The following GLI3 variants were observed in gnomAD, a reference collection of about 807,000 sequenced individuals.
GLI3 encodes the protein GLI family zinc finger 3.
In GLI3, 20 loss-of-function variants were observed where a neutral mutation model predicts 100.8. That is an observed-to-expected ratio of 0.20 (90% CI 0.14 to 0.29). The LOEUF is 0.29. Ranked by LOEUF, GLI3 falls within the 10% of genes least tolerant of loss-of-function variation. The pLI is 1.00. For missense variants in GLI3, 2,040 were observed against 2,128.5 expected (o/e 0.96, Z 0.82); for synonymous variants, 938 against 860.5 (o/e 1.09, Z -1.58).
Position 41,971,027 on chromosome 7 carries a change from C to T in GLI3, c.2103+1310G>A, listed in dbSNP as rs1295155225. Among the ~76,000 whole-genome samples the T allele has an allele frequency of 2.0e-5, 3 of 152,126 alleles. No individual in the cohort carries two copies. The East Asian group carries it at 5.8e-4, about 29-fold the overall frequency. On this transcript the variant is annotated intron_variant, in intron 13 of 14. Coordinates refer to ENST00000395925, the MANE Select transcript of GLI3 (RefSeq NM_000168.6). ...AAAGTACAGCTACCCACTGATAAAT[C>T]ATGATAAATCTGCATAGCTGATTTG...
chr7:42,099,162 C>T (rs1348632173), intron 3 of GLI3, among the ~76,000 whole-genome samples: 3 of 152,156 alleles, frequency 2.0e-5, no homozygotes, highest in Non-Finnish European at 2.9e-5. Context: ...CCTGGACATG[C>T]CATTTTCAGA....
chr7:42,192,914 G>C (rs1787856587), intron 2 of GLI3, among the ~76,000 whole-genome samples: 1 of 152,182 alleles, frequency 6.6e-6, no homozygotes, highest in Non-Finnish European at 1.5e-5. Flanking sequence ...AGAACCAGCA[G>C]GACCTGAGGC....
intron 2 of GLI3, among the ~76,000 whole-genome samples, chr7:42,163,405 T>G (rs1337555135): frequency 6.6e-6 from 1 of 151,918 alleles, no homozygotes; most frequent in East Asian, 1.9e-4. Flanking sequence ...GCTGCCTCTA[T>G]CTAATGAACC....
intron 10 of GLI3, among the ~76,000 whole-genome samples, chr7:41,994,300 C>T (rs992659622): frequency 2.0e-5 from 3 of 152,008 alleles, no homozygotes; most frequent in Non-Finnish European, 2.9e-5. Flanking sequence ...ATGCTGTCAA[C>T]GAATAGAAAA....
At chr7:42,016,178 G>A (rs754466006) in intron 10 of GLI3, among the ~76,000 whole-genome samples, 6 of 152,150 alleles carry the variant, frequency 3.9e-5, no homozygotes, top group Non-Finnish European at 8.8e-5. Context: ...TTGGTTTGGT[G>A]TAACCACCGA....
At chr7:42,056,315 A>T (rs572902451) in intron 4 of GLI3, among the ~76,000 whole-genome samples, 13 of 152,310 alleles carry the variant, frequency 8.5e-5, no homozygotes, top group African/African-American at 3.1e-4. Context: ...AAGAGCCTAC[A>T]GTCAAATGAG....
intron 2 of GLI3, among the ~76,000 whole-genome samples, chr7:42,180,832 T>G (rs896520664): frequency 2.0e-5 from 3 of 152,246 alleles, no homozygotes; most frequent in African/African-American, 7.2e-5. Flanking sequence ...TATTGTCTAC[T>G]AAATTATATA....
chr7:42,021,192 T>C (rs999956615), intron 10 of GLI3, among the ~76,000 whole-genome samples: 18 of 152,370 alleles, frequency 1.2e-4, no homozygotes, highest in African/African-American at 2.6e-4. Context: ...TTTATGTTGT[T>C]GTAAATTATA....
chr7:42,202,997 A>G (rs1205058308), intron 2 of GLI3, among the ~76,000 whole-genome samples: 6 of 152,230 alleles, frequency 3.9e-5, no homozygotes, highest in African/African-American at 1.4e-4. Flanking sequence ...GGAGCTGACC[A>G]TGGGAGGCAT....
chr7:42,260,365 G>A (rs149702178), intron 1 of GLI3, among the ~76,000 whole-genome samples: 52 of 152,216 alleles, frequency 3.4e-4, no homozygotes, highest in Admixed American at 7.9e-4. Flanking sequence ...ATTATTTTAC[G>A]CATTCAACTG....
chr7:42,122,851 T>G (rs1199480257), intron 3 of GLI3, among the ~76,000 whole-genome samples: 3 of 152,238 alleles, frequency 2.0e-5, no homozygotes, highest in Admixed American at 1.3e-4. Flanking sequence ...TCCTAGAGCC[T>G]GAACAGGGTG....
chr7:41,972,219 C>T lies in GLI3; in HGVS notation c.2103+118G>A, dbSNP rs1787381663. The T allele has an allele frequency of 1.0e-6, 1 of 952,658 alleles. No individual in the cohort carries two copies. Among genetic ancestry groups the T allele is most frequent in the Non-Finnish European group, 1.7e-6 (1 of 581,640 alleles). The allele number at this position is 952,658 out of a possible 1,614,324, so 59.0% of individuals were successfully genotyped here. A position where few individuals can be genotyped will look rare whatever the true frequency, so the allele number is the denominator to read the frequency against. On this transcript the variant is annotated intron_variant, in intron 13 of 14. Coordinates refer to ENST00000395925, the MANE Select transcript of GLI3 (RefSeq NM_000168.6). The surrounding 1 kb of genome is among the most constrained non-coding windows in gnomAD (Gnocchi z 4.4). ...ATACGGGTCACTGCCCTCATCGCCTCCTCAGATCAGAGACAGCCTGACACA... is the reference window on the plus strand; with the variant it reads ...ATACGGGTCACTGCCCTCATCGCCTTCTCAGATCAGAGACAGCCTGACACA...
At chr7:42,164,137 C>A (rs1787190071) in intron 2 of GLI3, among the ~76,000 whole-genome samples, 2 of 152,132 alleles carry the variant, frequency 1.3e-5, no homozygotes, top group African/African-American at 4.8e-5. Flanking sequence ...ATCACTAGGA[C>A]ACATCCTGTC....
intron 10 of GLI3, among the ~76,000 whole-genome samples, chr7:42,016,877 T>C (rs916222146): frequency 6.6e-6 from 1 of 152,246 alleles, no homozygotes; most frequent in South Asian, 2.1e-4. Context: ...TACACAATTA[T>C]GGCTTCTTTA....
intron 3 of GLI3, among the ~76,000 whole-genome samples, chr7:42,143,889 A>AT (rs1416920999): frequency 6.6e-6 from 1 of 152,196 alleles, no homozygotes. Flanking sequence ...GAGACCTGAA[A>AT]TTTTTTAAAA....
chr7:42,188,644 A>T (rs573616906), intron 2 of GLI3, among the ~76,000 whole-genome samples: 16 of 152,340 alleles, frequency 1.1e-4, no homozygotes, highest in Admixed American at 9.8e-4. Flanking sequence ...ACATCCAGAC[A>T]CTGGAATATT....
intron 2 of GLI3, 72 bp from the exon 3 acceptor site, chr7:42,148,540 G>A: frequency 1.4e-6 from 2 of 1,391,998 alleles, no homozygotes; most frequent in East Asian, 4.6e-5. Flanking sequence ...TGATCAATTA[G>A]GTCTCATTCT....
intron 3 of GLI3, among the ~76,000 whole-genome samples, chr7:42,120,213 C>T (rs1398365160): frequency 1.3e-5 from 2 of 152,182 alleles, no homozygotes; most frequent in African/African-American, 4.8e-5. Flanking sequence ...AGGTGGACAC[C>T]TTACAAATTG....
At chr7:42,229,108 C>CG (rs1562794210) in intron 1 of GLI3, among the ~76,000 whole-genome samples, 2 of 152,158 alleles carry the variant, frequency 1.3e-5, no homozygotes, top group Non-Finnish European at 2.9e-5. Flanking sequence ...GTGAATAAAA[C>CG]AACTTTCTAA....
Sources: allele counts gnomAD v4.1 joint callset (sites outside exome capture counted in the v4.1 genomes callset), GRCh38; gene constraint gnomAD v4.1.1; non-coding constraint Gnocchi (gnomAD v3.1); transcripts MANE v1.5; gene names NCBI Gene and HGNC (gene_info 2026-07-23, HGNC 2026-07-21).